Variants in AIG1 observed in about 807,000 individuals in gnomAD.
The protein encoded by AIG1 is androgen induced 1.
A neutral mutation model predicts 31.4 loss-of-function variants in AIG1; 23 were observed. The ratio of observed to expected loss-of-function variants is 0.73; its 90% CI spans 0.53 to 1.04. AIG1 has a LOEUF of 1.04. AIG1 is among the 50% of genes least tolerant of loss of function. The pLI is 0.00. For missense variants in AIG1, 274 were observed against 295.0 expected (o/e 0.93, Z 0.52); for synonymous variants, 100 against 110.5 (o/e 0.90, Z 0.60).
intron 3 of AIG1, among the ~76,000 whole-genome samples, chr6:143,246,946 A>G (rs933461544): frequency 6.6e-6 from 1 of 152,220 alleles, no homozygotes; most frequent in Non-Finnish European, 1.5e-5. Context: ...GGTTTATGAC[A>G]GGAAAAGGAT....
intron 3 of AIG1, among the ~76,000 whole-genome samples, chr6:143,194,764 A>G (rs1301985771): frequency 6.6e-6 from 1 of 152,146 alleles, no homozygotes; most frequent in African/African-American, 2.4e-5. Flanking sequence ...GGCCCCCAGC[A>G]TGCTGCCTGT....
At chr6:143,080,158 C>G (rs1418155862) in intron 1 of AIG1, among the ~76,000 whole-genome samples, 1 of 152,158 alleles carries the variant, frequency 6.6e-6, no homozygotes, top group Non-Finnish European at 1.5e-5. Flanking sequence ...AACCCAAGTG[C>G]TGTTGGGGAG....
At chr6:143,231,936 G>A (rs1236842487) in intron 3 of AIG1, among the ~76,000 whole-genome samples, 1 of 152,192 alleles carries the variant, frequency 6.6e-6, no homozygotes, top group Non-Finnish European at 1.5e-5. Context: ...ATTCTAGGTG[G>A]AGACTGGTGG....
At chr6:143,127,188 A>G (rs149619544) in intron 1 of AIG1, among the ~76,000 whole-genome samples, 10 of 151,788 alleles carry the variant, frequency 6.6e-5, no homozygotes, top group Non-Finnish European at 1.3e-4. Flanking sequence ...TTTCCCCTTT[A>G]ATTAATGGTT....
At chr6:143,101,786 G>A (rs1780303850) in intron 1 of AIG1, among the ~76,000 whole-genome samples, 1 of 152,078 alleles carries the variant, frequency 6.6e-6, no homozygotes, top group South Asian at 2.1e-4. Flanking sequence ...AATGCCACCT[G>A]TTCCCCCAAA....
chr6:143,121,682 A>G (rs1170255236), intron 1 of AIG1, among the ~76,000 whole-genome samples: 1 of 152,256 alleles, frequency 6.6e-6, no homozygotes, highest in Non-Finnish European at 1.5e-5. Flanking sequence ...TTAACCATTC[A>G]TAAACCATAG....
chr6:143,267,358 C>T (rs924467105), intron 3 of AIG1, among the ~76,000 whole-genome samples: 14 of 152,190 alleles, frequency 9.2e-5, no homozygotes, highest in Admixed American at 5.2e-4. Flanking sequence ...AAAACACTTA[C>T]TGGATTGATT....
At chr6:143,092,924 G>T (rs1319065615) in intron 1 of AIG1, among the ~76,000 whole-genome samples, 1 of 152,074 alleles carries the variant, frequency 6.6e-6, no homozygotes, top group Non-Finnish European at 1.5e-5. Context: ...GTGTCATATG[G>T]CTATAGTCCC....
At chr6:143,156,529 A>G (rs1785778426) in intron 2 of AIG1, among the ~76,000 whole-genome samples, 2 of 152,192 alleles carry the variant, frequency 1.3e-5, no homozygotes, top group Admixed American at 1.3e-4. Context: ...ACATTTCCTT[A>G]TAGTGATTTA....
chr6:143,065,804 A>C (rs1324918115), intron 1 of AIG1, among the ~76,000 whole-genome samples: 5 of 152,264 alleles, frequency 3.3e-5, no homozygotes, highest in Non-Finnish European at 1.5e-5. Flanking sequence ...AGTCAGAATC[A>C]ACTTCTTTGA....
chr6:143,285,465 C>G (rs1478033661), intron 4 of AIG1, among the ~76,000 whole-genome samples: 2 of 151,382 alleles, frequency 1.3e-5, no homozygotes, highest in African/African-American at 2.4e-5. Context: ...AGTTCGAGAC[C>G]AGTCTTGTCA....
chr6:143,084,384 A>G (rs1174831023), intron 1 of AIG1, among the ~76,000 whole-genome samples: 1 of 152,150 alleles, frequency 6.6e-6, no homozygotes. Context: ...ACTGGAAGCA[A>G]GCCCTATTAG....
chr6:143,290,811 A>T (rs546253960), intron 4 of AIG1, among the ~76,000 whole-genome samples: 87 of 152,284 alleles, frequency 5.7e-4, no homozygotes, highest in African/African-American at 2.1e-3. Context: ...TACCTGCTGT[A>T]ACAATAAGTA....
At chr6:143,130,024 G>A (rs900534630) in intron 1 of AIG1, among the ~76,000 whole-genome samples, 1 of 149,902 alleles carries the variant, frequency 6.7e-6, no homozygotes, top group Non-Finnish European at 1.5e-5. Flanking sequence ...TCTGCCTCCT[G>A]GGTTCAAGTG....
intron 3 of AIG1, among the ~76,000 whole-genome samples, chr6:143,260,701 C>A (rs952231241): frequency 5.3e-5 from 8 of 152,244 alleles, no homozygotes; most frequent in Non-Finnish European, 8.8e-5. Context: ...GGTATTTATT[C>A]CTTTTTAAGC....
intron 4 of AIG1, among the ~76,000 whole-genome samples, chr6:143,318,922 T>C (rs1433462552): frequency 6.6e-6 from 1 of 151,962 alleles, no homozygotes; most frequent in Non-Finnish European, 1.5e-5. Context: ...CAAAACCAAA[T>C]GTGATACCAC....
chr6:143,166,344 T>G (rs1048897988), intron 3 of AIG1, among the ~76,000 whole-genome samples: 1 of 152,186 alleles, frequency 6.6e-6, no homozygotes, highest in African/African-American at 2.4e-5. Flanking sequence ...TACTATGGCC[T>G]TCTCCAACTT....
chr6:143,176,669 C>G (rs555005286), intron 3 of AIG1, among the ~76,000 whole-genome samples: 2 of 152,224 alleles, frequency 1.3e-5, no homozygotes, highest in Non-Finnish European at 2.9e-5. Context: ...TCCCATGCAG[C>G]CTGCTGCATG....
At chr6:143,134,396 CTTTT>C (rs61322198) in intron 1 of AIG1, among the ~76,000 whole-genome samples, 2 of 111,400 alleles carry the variant, frequency 1.8e-5, no homozygotes, top group Admixed American at 8.9e-5. Flanking sequence ...TCCTGGTTTC[CTTTT>C]TTTTTTTTTT....
Sources: allele counts gnomAD v4.1 joint callset (sites outside exome capture counted in the v4.1 genomes callset), GRCh38; gene constraint gnomAD v4.1.1; transcripts MANE v1.5; gene names NCBI Gene and HGNC (gene_info 2026-07-23, HGNC 2026-07-21).